The following PIGN variants were observed in gnomAD, a reference collection of about 807,000 sequenced individuals.
PIGN encodes the protein GPI ethanolamine phosphate transferase 1.
PIGN carries 117 observed loss-of-function variants against 125.4 expected under a neutral mutation model. That is an observed-to-expected ratio of 0.93 (90% CI 0.80 to 1.09). The LOEUF (loss-of-function observed/expected upper bound fraction) is 1.09. PIGN is among the 50% of genes least tolerant of loss of function. PIGN has a pLI of 0.00. For missense variants in PIGN, 1,075 were observed against 1,094.9 expected, an observed-to-expected ratio of 0.98 and a Z score of 0.26; for synonymous variants, 392 against 377.8, an observed-to-expected ratio of 1.04 and a Z score of -0.44.
At chr18:62,058,433 T>C (rs1568126361) in intron 30 of PIGN, among the ~76,000 whole-genome samples, 1 of 152,148 alleles carries the variant, frequency 6.6e-6, no homozygotes, top group African/African-American at 2.4e-5. Flanking sequence ...GCTATTGAAA[T>C]AGCATCAACA....
chr18:62,169,970 G>A (rs1347239169), intron 1 of PIGN, among the ~76,000 whole-genome samples: 1 of 152,118 alleles, frequency 6.6e-6, no homozygotes, highest in African/African-American at 2.4e-5. Flanking sequence ...TTCCAAAATT[G>A]TTGTACAACT....
chr18:62,127,482 C>T (rs186412088), intron 14 of PIGN, among the ~76,000 whole-genome samples: 1 of 152,058 alleles, frequency 6.6e-6, no homozygotes, highest in East Asian at 1.9e-4. Flanking sequence ...AGTCAAACCA[C>T]TGCAGCCGAA....
At chr18:62,165,190 T>G (rs369719160) in intron 1 of PIGN, among the ~76,000 whole-genome samples, 13 of 152,306 alleles carry the variant, frequency 8.5e-5, no homozygotes, top group African/African-American at 2.9e-4. Context: ...AAAGTGAGGT[T>G]CCTCCTCCTG....
At chr18:62,030,793 C>A (rs758438337) in intron 23 of PIGN, among the ~76,000 whole-genome samples, 11 of 152,034 alleles carry the variant, frequency 7.2e-5, no homozygotes, top group Non-Finnish European at 1.5e-4. Flanking sequence ...ACTGCATGTG[C>A]CTTTGGGGAT....
chr18:62,158,873 G>A (rs531597881), intron 4 of PIGN, among the ~76,000 whole-genome samples: 1 of 152,210 alleles, frequency 6.6e-6, no homozygotes, highest in East Asian at 1.9e-4. Flanking sequence ...AGAAAGGGGA[G>A]GTATAAAGAA....
intron 27 of PIGN, among the ~76,000 whole-genome samples, chr18:62,082,960 G>A (rs953799506): frequency 1.3e-5 from 2 of 152,012 alleles, no homozygotes; most frequent in Non-Finnish European, 2.9e-5. Flanking sequence ...TAAGCTATAC[G>A]ATGTAAAAGA....
chr18:62,091,951 T>G (rs925058767), intron 23 of PIGN, among the ~76,000 whole-genome samples: 4 of 152,216 alleles, frequency 2.6e-5, no homozygotes, highest in African/African-American at 9.6e-5. Context: ...CCTTATTTCC[T>G]TTTTGAGTCT....
chr18:62,018,551 T>G (rs1399929651), intron 23 of PIGN, among the ~76,000 whole-genome samples: 1 of 152,196 alleles, frequency 6.6e-6, no homozygotes, highest in African/African-American at 2.4e-5. Context: ...TTTAGGAGGT[T>G]CATTTTTTTG....
chr18:62,107,512 G>A (rs539011113), intron 17 of PIGN: 1 of 162,100 alleles, frequency 6.2e-6, no homozygotes, highest in South Asian at 1.7e-4. Flanking sequence ...AGAATAGCTT[G>A]AACCTGGGAG....
intron 30 of PIGN, among the ~76,000 whole-genome samples, chr18:62,047,440 C>T (rs1000547864): frequency 2.0e-5 from 3 of 152,218 alleles, no homozygotes; most frequent in African/African-American, 7.2e-5. Flanking sequence ...CCAGGAATTC[C>T]ACCTCCACTC....
intron 30 of PIGN, among the ~76,000 whole-genome samples, chr18:62,047,864 C>T (rs145116312): frequency 1.3e-5 from 2 of 152,086 alleles, no homozygotes; most frequent in Non-Finnish European, 2.9e-5. Flanking sequence ...ACCTAAATAA[C>T]AGAGCTGTTA....
At chr18:62,061,430 CA>C (rs2032119716) in intron 30 of PIGN, among the ~76,000 whole-genome samples, 1 of 64,266 alleles carries the variant, frequency 1.6e-5, no homozygotes, top group Admixed American at 2.4e-4. Context: ...AAAAAAAAAG[CA>C]ATAAAGGAGC....
chr18:62,048,892 C>A (rs199780951), intron 30 of PIGN, among the ~76,000 whole-genome samples: 1 of 146,834 alleles, frequency 6.8e-6, no homozygotes. Flanking sequence ...GTGATGTTCC[C>A]CTTCCTGTGT....
intron 25 of PIGN, among the ~76,000 whole-genome samples, chr18:62,085,558 T>G (rs2033658306): frequency 6.6e-6 from 1 of 152,114 alleles, no homozygotes; most frequent in Non-Finnish European, 1.5e-5. Flanking sequence ...TGTAGTGGGC[T>G]GCTAGTGATT....
intron 30 of PIGN, among the ~76,000 whole-genome samples, chr18:62,062,100 A>C (rs2032186102): frequency 6.6e-6 from 1 of 152,174 alleles, no homozygotes; most frequent in South Asian, 2.1e-4. Context: ...AATAAGAAAA[A>C]CATCACATTG....
At position 62,102,705 on chromosome 18, in the gene PIGN, T is replaced by A. The variant is rs1476679437; in HGVS notation, c.1968+89A>T. On this transcript the variant is annotated intron_variant, in intron 21 of 30. Coordinates refer to ENST00000640252, the MANE Select transcript of PIGN (RefSeq NM_176787.5). ...CAGATACTAAGTAGCATAAAGGTAA[T>A]GGCATTTTATGAACATAATTAAATA... is the stretch of plus-strand genomic sequence containing the variant. 3 of 609,576 alleles carry A rather than the reference T, an allele frequency of 4.9e-6. No homozygotes were observed. The African/African-American group carries it at 5.8e-5, about 12-fold the overall frequency. 37.8% of individuals were successfully genotyped at this position (609,576 alleles called of 1,614,324 possible).
intron 1 of PIGN, among the ~76,000 whole-genome samples, chr18:62,178,901 C>T (rs1255574559): frequency 6.6e-6 from 1 of 152,152 alleles, no homozygotes; most frequent in East Asian, 1.9e-4. Context: ...CTGTATCTCA[C>T]ATCCTTTTTC....
intron 22 of PIGN, among the ~76,000 whole-genome samples, 196 bp downstream of exon 22, chr18:62,100,879 A>G (rs1448531994): frequency 6.6e-6 from 1 of 152,214 alleles, no homozygotes; most frequent in Non-Finnish European, 1.5e-5. Context: ...CTATCAAATT[A>G]TCTTGTTAAC....
intron 11 of PIGN, among the ~76,000 whole-genome samples, chr18:62,141,088 G>A (rs978965392): frequency 1.3e-5 from 2 of 152,044 alleles, no homozygotes; most frequent in Admixed American, 6.6e-5. Flanking sequence ...TCATTCCAAA[G>A]ACTGCTCTCT....
Sources: gnomAD v4.1 joint callset for allele counts (sites outside exome capture counted in the v4.1 genomes callset) on GRCh38, gnomAD v4.1.1 for gene constraint, MANE v1.5 for transcripts, NCBI Gene and HGNC (gene_info 2026-07-23, HGNC 2026-07-21) for gene names.